The following JARID2 variants were observed in gnomAD, a reference collection of about 807,000 sequenced individuals.
JARID2 encodes jumonji and AT-rich interaction domain containing 2, also known as protein Jumonji.
A neutral mutation model predicts 125.6 loss-of-function variants in JARID2; 21 were observed. That is an observed-to-expected ratio of 0.17 (90% CI 0.12 to 0.24). The LOEUF (loss-of-function observed/expected upper bound fraction) is 0.24, where lower values mean the gene tolerates loss of function less well. Ranked by LOEUF, JARID2 falls within the 10% of genes least tolerant of loss-of-function variation. The probability of loss-of-function intolerance (pLI) is 1.00; values close to 1 mark genes in which losing one functional copy is unlikely to be tolerated. For missense variants in JARID2, 1,303 were observed against 1,639.6 expected, an observed-to-expected ratio of 0.79 and a Z score of 3.55; for synonymous variants, 736 against 661.6, an observed-to-expected ratio of 1.11 and a Z score of -1.73.
intron 1 of JARID2, among the ~76,000 whole-genome samples, chr6:15,283,090 T>G (rs150542143): frequency 4.6e-5 from 7 of 151,814 alleles, no homozygotes; most frequent in African/African-American, 1.7e-4. Flanking sequence ...GCCATTCTCC[T>G]GCCTCAGCCT....
chr6:15,401,470 G>T (rs1765431694), intron 2 of JARID2, among the ~76,000 whole-genome samples: 1 of 152,118 alleles, frequency 6.6e-6, no homozygotes, highest in Non-Finnish European at 1.5e-5. Context: ...AAAAATAAAT[G>T]TTTGATTAAA....
chr6:15,494,965 CTG>C (rs145059334), intron 6 of JARID2, among the ~76,000 whole-genome samples: 1,577 of 152,278 alleles, frequency 0.01, 30 homozygotes, highest in African/African-American at 0.035. Context: ...GGCTAGTATT[CTG>C]TGTTTCTCAG....
chr6:15,252,719 A>G (rs1475268161), intron 1 of JARID2, among the ~76,000 whole-genome samples: 4 of 152,114 alleles, frequency 2.6e-5, no homozygotes, highest in Non-Finnish European at 5.9e-5. Context: ...AAATGAAACC[A>G]AATGAATCTG....
intron 1 of JARID2, among the ~76,000 whole-genome samples, chr6:15,321,223 A>T (rs574590230): frequency 1.3e-5 from 2 of 152,274 alleles, no homozygotes; most frequent in South Asian, 4.1e-4. Flanking sequence ...TAATCAGTAT[A>T]ATCATACACC....
In JARID2 at chr6:15,508,482, A is replaced by G. The variant is rs1467426860; in HGVS notation, c.2846+28A>G. ...GAGTACTGGCCCCAGGCGGGAAGGG[A>G]GGGACTGCAGAAACTACTATTACCA... On this transcript the variant is annotated intron_variant, in intron 12 of 17. Coordinates refer to ENST00000341776, the MANE Select transcript of JARID2 (RefSeq NM_004973.4). The G allele has an allele frequency of 7.3e-5, 87 of 1,193,468 alleles. No individual in the cohort carries two copies. In the East Asian group the frequency reaches 2.0e-3, roughly 27 times the overall value. The allele number at this position is 1,193,468 out of a possible 1,614,324, so 73.9% of individuals were successfully genotyped here. A position where few individuals can be genotyped will look rare whatever the true frequency, so the allele number is the denominator to read the frequency against.
chr6:15,329,492 C>T (rs1463485906), intron 1 of JARID2, among the ~76,000 whole-genome samples: 2 of 152,190 alleles, frequency 1.3e-5, no homozygotes, highest in Non-Finnish European at 2.9e-5. Flanking sequence ...CTGTAAATCT[C>T]AAGGAGTACT....
intron 1 of JARID2, among the ~76,000 whole-genome samples, chr6:15,265,381 A>G (rs1003428969): frequency 6.7e-6 from 1 of 149,058 alleles, no homozygotes; most frequent in Middle Eastern, 3.4e-3. Flanking sequence ...AAAAAAAAAC[A>G]AAAAAAAACC....
At chr6:15,251,462 G>T (rs920266301) in intron 1 of JARID2, among the ~76,000 whole-genome samples, 1 of 152,192 alleles carries the variant, frequency 6.6e-6, no homozygotes, top group Non-Finnish European at 1.5e-5. Context: ...AGTAGTAGCA[G>T]CTCTACTAAC....
chr6:15,318,771 C>T (rs1762258435), intron 1 of JARID2, among the ~76,000 whole-genome samples: 1 of 152,162 alleles, frequency 6.6e-6, no homozygotes, highest in Non-Finnish European at 1.5e-5. Flanking sequence ...TCTTGAGATT[C>T]CCGGATTGCT....
chr6:15,355,735 C>T (rs1434046981), intron 1 of JARID2, among the ~76,000 whole-genome samples: 1 of 152,120 alleles, frequency 6.6e-6, no homozygotes, highest in African/African-American at 2.4e-5. Flanking sequence ...CCTCGGTCTC[C>T]AGAGGAGGTG....
intron 3 of JARID2, among the ~76,000 whole-genome samples, chr6:15,447,864 G>A (rs865790973): frequency 5.9e-5 from 9 of 152,134 alleles, no homozygotes; most frequent in Middle Eastern, 3.2e-3. Context: ...GCATCTCTAG[G>A]TGCAAATATT....
At chr6:15,441,259 G>T (rs1409637609) in intron 3 of JARID2, among the ~76,000 whole-genome samples, 1 of 152,196 alleles carries the variant, frequency 6.6e-6, no homozygotes, top group Non-Finnish European at 1.5e-5. Flanking sequence ...TGAGTTGGAG[G>T]GGTGAGATGG....
At chr6:15,361,894 T>C (rs886385738) in intron 1 of JARID2, among the ~76,000 whole-genome samples, 931 of 86,558 alleles carry the variant, frequency 0.011, 7 homozygotes, top group African/African-American at 0.035. Context: ...GGAGCCCCCT[T>C]TTTTTTTTTT....
chr6:15,399,684 G>A (rs1765351485), intron 2 of JARID2, among the ~76,000 whole-genome samples: 2 of 152,180 alleles, frequency 1.3e-5, no homozygotes, highest in East Asian at 3.8e-4. Flanking sequence ...GGGTTTTTGT[G>A]AGGTATAAAT....
intron 3 of JARID2, among the ~76,000 whole-genome samples, chr6:15,418,887 G>A (rs1355108743): frequency 6.6e-6 from 1 of 152,130 alleles, no homozygotes; most frequent in Non-Finnish European, 1.5e-5. Flanking sequence ...GCACGACTGT[G>A]TTCCTTATTC....
chr6:15,505,422 A>G (rs1484126239), intron 9 of JARID2: 6 of 148,860 alleles, frequency 4.0e-5, no homozygotes, highest in Non-Finnish European at 7.4e-5. Flanking sequence ...CCGTGTATAC[A>G]TGCTGACCAC....
intron 1 of JARID2, among the ~76,000 whole-genome samples, chr6:15,284,282 C>T (rs1760908392): frequency 6.6e-6 from 1 of 152,112 alleles, no homozygotes; most frequent in Non-Finnish European, 1.5e-5. Context: ...TTCTTTCAGC[C>T]ACATATTATG....
chr6:15,285,154 A>G (rs1017520502), intron 1 of JARID2, among the ~76,000 whole-genome samples: 3 of 125,232 alleles, frequency 2.4e-5, no homozygotes, highest in Non-Finnish European at 4.6e-5. Context: ...CTTGTTCTCC[A>G]GACTGGAGTG....
At position 15,452,068 on chromosome 6, in the gene JARID2, C is replaced by T; in HGVS notation, c.386C>T (p.Pro129Leu). 1 of 1,614,058 alleles carries T rather than the reference C, an allele frequency of 6.2e-7. No individual in the cohort carries two copies. Among genetic ancestry groups the T allele is most frequent in the Non-Finnish European group, 8.5e-7 (1 of 1,180,004 alleles). ...CAGCCGAATAGTCCCAGCACAACTC[C>T]AGTAAAGATAGTGGAGCCATTGCTA... ...QSQPNSPSTT[P>L]VKIVEPLLPP... is the part of the protein sequence containing the mutation. The change falls in exon 4 of 18, where the codon CCA becomes CTA. Residue 129 changes from proline to leucine, a missense_variant. Physicochemically the swap from Pro to Leu is moderately conservative, Grantham distance 98. Coordinates refer to ENST00000341776, the MANE Select transcript of JARID2 (RefSeq NM_004973.4).
Sources: gnomAD v4.1 joint callset for allele counts (sites outside exome capture counted in the v4.1 genomes callset) on GRCh38, gnomAD v4.1.1 for gene constraint, MANE v1.5 for transcripts, NCBI Gene and HGNC (gene_info 2026-07-23, HGNC 2026-07-21) for gene names.